LRBA: variants seen among roughly 807,000 people sequenced by gnomAD.
LRBA encodes LPS responsive beige-like anchor protein.
In LRBA, 176 loss-of-function variants were observed where a neutral mutation model predicts 330.0. The ratio of observed to expected loss-of-function variants is 0.53; its 90% CI spans 0.47 to 0.60. The LOEUF is 0.60. Among genes scored for constraint, LRBA ranks in the 20% least tolerant of loss-of-function variants. LRBA has a pLI of 0.00. For synonymous variants in LRBA, 1,230 were observed against 1,193.0 expected (o/e 1.03, Z -0.64); for missense variants, 3,259 against 3,444.8 (o/e 0.95, Z 1.35).
At chr4:151,009,010 T>A (rs1430848436) in intron 2 of LRBA, among the ~76,000 whole-genome samples, 1 of 31,404 alleles carries the variant, frequency 3.2e-5, no homozygotes, top group African/African-American at 8.9e-5. Flanking sequence ...TATATATATA[T>A]ATATATATAT....
intron 40 of LRBA, among the ~76,000 whole-genome samples, chr4:150,511,804 A>G (rs1761862568): frequency 6.6e-6 from 1 of 152,240 alleles, no homozygotes; most frequent in South Asian, 2.1e-4. Context: ...CATAACTAGT[A>G]AGTAGTGTAG....
At chr4:150,454,239 G>A (rs550098586) in intron 44 of LRBA, among the ~76,000 whole-genome samples, 55 of 152,224 alleles carry the variant, frequency 3.6e-4, no homozygotes, top group African/African-American at 1.2e-3. Context: ...GATTACAGGC[G>A]TGAGCCACCA....
At chr4:150,773,806 G>A (rs1456462148) in intron 34 of LRBA, among the ~76,000 whole-genome samples, 2 of 152,142 alleles carry the variant, frequency 1.3e-5, no homozygotes, top group Non-Finnish European at 2.9e-5. Flanking sequence ...AGATGAATTC[G>A]AAGACTCACT....
chr4:150,693,958 T>C (rs1431453328), intron 36 of LRBA, among the ~76,000 whole-genome samples: 3 of 152,196 alleles, frequency 2.0e-5, no homozygotes, highest in Non-Finnish European at 4.4e-5. Flanking sequence ...TAATAATGTT[T>C]AATGCTAATT....
At position 150,897,750 on chromosome 4, in the gene LRBA, A is replaced by G. The variant is rs777123267; in HGVS notation, c.1993T>C (p.Leu665=). 16 of 1,610,864 alleles carry G rather than the reference A, an allele frequency of 9.9e-6. No homozygotes were observed. The highest frequency in any genetic ancestry group is 6.7e-5 in the Admixed American group (4 of 59,954). ...CAACGTGAACTCACCTTCATCACTAATTGCTTAATGAACATCAACAAGAAT... is the reference window on the plus strand; with the variant it reads ...CAACGTGAACTCACCTTCATCACTAGTTGCTTAATGAACATCAACAAGAAT... ...RAFLLMFIKQ[L]VMKDSGVKED... The change falls in exon 15 of 57, where the codon TTA becomes CTA. Residue 665 remains leucine, a synonymous_variant. Transcript: ENST00000651943.
At chr4:150,808,482 C>A (rs1177635158) in intron 31 of LRBA, 84 bp from the exon 32 acceptor site, 1 of 740,148 alleles carries the variant, frequency 1.4e-6, no homozygotes, top group African/African-American at 1.8e-5. Flanking sequence ...TTATACCAGT[C>A]AATAAAAGCA....
intron 17 of LRBA, among the ~76,000 whole-genome samples, chr4:150,887,596 G>A (rs1233995241): frequency 6.6e-6 from 1 of 151,796 alleles, no homozygotes; most frequent in African/African-American, 2.4e-5. Context: ...GTGAAACCCT[G>A]TCTCTACTAA....
At chr4:150,771,483 G>A (rs1736555831) in intron 34 of LRBA, among the ~76,000 whole-genome samples, 1 of 152,158 alleles carries the variant, frequency 6.6e-6, no homozygotes, top group Non-Finnish European at 1.5e-5. Context: ...TACAATGAAG[G>A]TTGATAAAGC....
At chr4:150,437,513 A>C (rs556813841) in intron 44 of LRBA, among the ~76,000 whole-genome samples, 33 of 138,004 alleles carry the variant, frequency 2.4e-4, no homozygotes, top group Non-Finnish European at 3.8e-4. Flanking sequence ...CTCTCTATAT[A>C]TATATATTAT....
intron 40 of LRBA, among the ~76,000 whole-genome samples, chr4:150,510,572 C>G (rs1761712577): frequency 6.6e-6 from 1 of 152,188 alleles, no homozygotes; most frequent in East Asian, 1.9e-4. Flanking sequence ...CCATCTTTCT[C>G]TCGGATTTCT....
chr4:151,002,838 G>A (rs62344622), intron 2 of LRBA, among the ~76,000 whole-genome samples: 16,610 of 150,972 alleles, frequency 0.11, 1,272 homozygotes, highest in South Asian at 0.29. Context: ...ATGGTGGCTG[G>A]GCAACATGGC....
intron 37 of LRBA, among the ~76,000 whole-genome samples, chr4:150,636,264 C>A (rs1482529409): frequency 6.7e-6 from 1 of 149,578 alleles, no homozygotes; most frequent in Non-Finnish European, 1.5e-5. Context: ...TGATCTTCAT[C>A]AAACTTTCCA....
intron 37 of LRBA, among the ~76,000 whole-genome samples, chr4:150,665,915 C>T (rs956253353): frequency 3.3e-5 from 5 of 152,116 alleles, no homozygotes; most frequent in African/African-American, 7.2e-5. Context: ...CATCAAAACA[C>T]GCAGTAGAAT....
At chr4:150,611,696 TGTATAA>T (rs1219416563) in intron 37 of LRBA, among the ~76,000 whole-genome samples, 49 of 152,190 alleles carry the variant, frequency 3.2e-4, no homozygotes, top group African/African-American at 1.9e-4. Context: ...CGCTTTTCAA[TGTATAA>T]GTATAACTAA....
rs371449721 is a variant in LRBA, at chr4:150,302,575, T to C, written c.8017+50A>G. ...AAAAGGTAACTTTACTGCAAAATGT[T>C]ATTCTCTACATCCTTGTAAAAGTTT... is the stretch of plus-strand genomic sequence containing the variant. On this transcript the variant is annotated intron_variant, in intron 53 of 56. Coordinates refer to ENST00000651943, the MANE Select transcript of LRBA (RefSeq NM_001364905.1). 7 of 1,330,304 alleles carry C rather than the reference T, an allele frequency of 5.3e-6. No individual in the cohort carries two copies. In the South Asian group the frequency reaches 1.2e-4, roughly 23 times the overall value. 82.4% of individuals were successfully genotyped at this position (1,330,304 alleles called of 1,614,324 possible).
chr4:150,296,769 C>T (rs925421639), intron 53 of LRBA, among the ~76,000 whole-genome samples: 1 of 152,004 alleles, frequency 6.6e-6, no homozygotes, highest in Admixed American at 6.6e-5. Flanking sequence ...TACATAGGCA[C>T]AAAGCTGTCG....
intron 2 of LRBA, among the ~76,000 whole-genome samples, chr4:151,011,270 T>C (rs1482843938): frequency 6.6e-6 from 1 of 152,092 alleles, no homozygotes; most frequent in Non-Finnish European, 1.5e-5. Flanking sequence ...GAGGAACTTG[T>C]TCAATTTTAA....
chr4:150,432,927 T>C (rs1210574787), intron 46 of LRBA, among the ~76,000 whole-genome samples: 1 of 152,060 alleles, frequency 6.6e-6, no homozygotes, highest in East Asian at 1.9e-4. Context: ...TGAAAGTCAC[T>C]AAGTTTTAGG....
At chr4:150,970,546 TGTGTGTGTGTACACAC>T (rs1212516937) in intron 2 of LRBA, 8 of 42,534 alleles carry the variant, frequency 1.9e-4, no homozygotes, top group African/African-American at 3.4e-4. Context: ...TGTGTGTGTG[TGTGTGTGTGTACACAC>T]ACACACACAC....
Sources: gnomAD v4.1 joint callset for allele counts (sites outside exome capture counted in the v4.1 genomes callset) on GRCh38, gnomAD v4.1.1 for gene constraint, MANE v1.5 for transcripts, NCBI Gene and HGNC (gene_info 2026-07-23, HGNC 2026-07-21) for gene names.